Variants in ARHGEF3 observed in about 807,000 individuals in gnomAD.
ARHGEF3 encodes the protein Rho guanine nucleotide exchange factor 3.
Under a neutral mutation model 63.2 loss-of-function variants are expected in ARHGEF3, and 28 were observed. That is an observed-to-expected ratio of 0.44 (90% CI 0.33 to 0.61). The LOEUF (loss-of-function observed/expected upper bound fraction) is 0.61. ARHGEF3 is among the 20% of genes least tolerant of loss of function. The pLI, the probability that ARHGEF3 is intolerant of heterozygous loss-of-function variation, is 0.03. For missense variants in ARHGEF3, 533 were observed against 659.3 expected (o/e 0.81, Z 2.10); for synonymous variants, 266 against 254.2 (o/e 1.05, Z -0.44).
At chr3:56,992,003 ACT>A (rs1451875463) in intron 2 of ARHGEF3, among the ~76,000 whole-genome samples, 1 of 82,736 alleles carries the variant, frequency 1.2e-5, no homozygotes, top group African/African-American at 4.9e-5. Context: ...ACTCACTCTC[ACT>A]CTCTCTCCCC....
intron 4 of ARHGEF3, among the ~76,000 whole-genome samples, chr3:56,822,191 C>A (rs181649547): frequency 6.6e-6 from 1 of 152,134 alleles, no homozygotes; most frequent in East Asian, 1.9e-4. Flanking sequence ...ACGTTATTCT[C>A]CTCTGAACAA....
intron 8 of ARHGEF3, among the ~76,000 whole-genome samples, chr3:56,734,886 G>T (rs1035702339): frequency 2.6e-5 from 4 of 152,168 alleles, no homozygotes; most frequent in Non-Finnish European, 5.9e-5. Context: ...TCTTTTGGGG[G>T]CTGTTTTAAT....
In ARHGEF3 at chr3:56,979,016, C is replaced by T. The variant is rs903802990; in HGVS notation, c.63-20127G>A. Among the ~76,000 whole-genome samples the T allele has an allele frequency of 2.0e-5, 3 of 152,114 alleles. No homozygotes were observed. In the East Asian group the frequency reaches 5.8e-4, roughly 29 times the overall value. Reference sequence around the variant, plus strand: ...ACAAAAAATAAAAAAATTAGCCGGCCATAGTGGCATGCACCTGTAGTCCCA... The same window carrying T: ...ACAAAAAATAAAAAAATTAGCCGGCTATAGTGGCATGCACCTGTAGTCCCA... On this transcript the variant is annotated intron_variant, in intron 2 of 12. Transcript: ENST00000338458.
intron 4 of ARHGEF3, chr3:56,882,226 A>C: frequency 6.8e-7 from 1 of 1,467,298 alleles, no homozygotes; most frequent in South Asian, 1.2e-5. Context: ...GCATATTATT[A>C]ACAAATAACC....
At chr3:56,765,820 A>G (rs1323142335) in intron 2 of ARHGEF3, among the ~76,000 whole-genome samples, 1 of 152,156 alleles carries the variant, frequency 6.6e-6, no homozygotes, top group Non-Finnish European at 1.5e-5. Context: ...TTTGGTTGCA[A>G]AGGTAATACA....
chr3:57,066,562 C>A (rs1289120930), intron 1 of ARHGEF3, among the ~76,000 whole-genome samples: 2 of 152,240 alleles, frequency 1.3e-5, no homozygotes, highest in African/African-American at 4.8e-5. Flanking sequence ...CGCGCCCAGG[C>A]TTTTGCCTTT....
chr3:57,021,842 A>G (rs9311637), intron 2 of ARHGEF3, among the ~76,000 whole-genome samples: 4,725 of 152,254 alleles, frequency 0.031, 286 homozygotes, highest in African/African-American at 0.11. Flanking sequence ...AGGGAAAACA[A>G]AATTGTATTA....
chr3:56,950,012 C>G (rs894364318), intron 3 of ARHGEF3, among the ~76,000 whole-genome samples: 4 of 152,006 alleles, frequency 2.6e-5, no homozygotes, highest in East Asian at 1.9e-4. Context: ...ACAAACCTGA[C>G]AAAAACAAGA....
At chr3:57,054,243 G>A (rs1473433893) in intron 1 of ARHGEF3, among the ~76,000 whole-genome samples, 1 of 152,094 alleles carries the variant, frequency 6.6e-6, no homozygotes, top group African/African-American at 2.4e-5. Context: ...TTTCTCTGGT[G>A]ACTCCTGAGG....
In ARHGEF3 at chr3:56,873,122, C is replaced by G. The variant is rs549970872; in HGVS notation, c.192+9170G>C. 3.9e-5 allele frequency among the ~76,000 whole-genome samples: 6 copies of G among 152,186 alleles called. No homozygotes were observed. The East Asian group carries it at 1.2e-3, about 29-fold the overall frequency. ...CAGGTGATCCTCCCACCTCAGCCTC[C>G]CAAGTAGCTAGGACTACAGGTGCAT... On this transcript the variant is annotated intron_variant, in intron 4 of 12. Transcript: ENST00000338458.
intron 1 of ARHGEF3, among the ~76,000 whole-genome samples, chr3:57,072,443 T>TAAA (rs35145725): frequency 6.9e-6 from 1 of 144,766 alleles, no homozygotes. Flanking sequence ...AATAAAGAAT[T>TAAA]AAAAAAAAAA....
intron 3 of ARHGEF3, among the ~76,000 whole-genome samples, chr3:56,932,423 C>G (rs539521652): frequency 6.6e-6 from 1 of 152,148 alleles, no homozygotes; most frequent in East Asian, 1.9e-4. Context: ...AATTTTGTTT[C>G]CTGCTTCTTA....
intron 2 of ARHGEF3, among the ~76,000 whole-genome samples, chr3:56,975,392 TGGGCAACA>T (rs973479280): frequency 4.6e-5 from 7 of 152,000 alleles, no homozygotes; most frequent in Non-Finnish European, 7.4e-5. Flanking sequence ...CACTCCAGCC[TGGGCAACA>T]GAGCAAGACT....
chr3:56,950,442 GA>G (rs201263140), intron 3 of ARHGEF3, among the ~76,000 whole-genome samples: 17,604 of 151,846 alleles, frequency 0.12, 1,316 homozygotes, highest in East Asian at 0.25. Context: ...AAGAAAAAAA[GA>G]AACAACCCCA....
chr3:56,889,726 C>T (rs1408564531), intron 3 of ARHGEF3, among the ~76,000 whole-genome samples: 1 of 152,144 alleles, frequency 6.6e-6, no homozygotes, highest in Non-Finnish European at 1.5e-5. Context: ...ATCTGCGTTT[C>T]CTTTAAATTA....
chr3:56,977,871 C>T (rs1701182949), intron 2 of ARHGEF3, among the ~76,000 whole-genome samples: 1 of 152,138 alleles, frequency 6.6e-6, no homozygotes, highest in Admixed American at 6.5e-5. Flanking sequence ...ACACAAAGTA[C>T]ATAGAGAGTA....
upstream of ARHGEF3, among the ~76,000 whole-genome samples, chr3:56,805,821 G>A (rs986131907): frequency 6.6e-6 from 1 of 152,150 alleles, no homozygotes; most frequent in Non-Finnish European, 1.5e-5. Flanking sequence ...CTATAAAAAA[G>A]CATAAGCTAC....
chr3:56,966,475 T>C (rs1700499649), intron 2 of ARHGEF3, among the ~76,000 whole-genome samples: 1 of 152,178 alleles, frequency 6.6e-6, no homozygotes, highest in Admixed American at 6.5e-5. Flanking sequence ...ATAATGAACA[T>C]AATGCAGATT....
At chr3:57,070,825 A>G (rs9837868) in intron 1 of ARHGEF3, among the ~76,000 whole-genome samples, 42,152 of 151,684 alleles carry the variant, frequency 0.28, 6,836 homozygotes, top group East Asian at 0.48. Context: ...ATTAAAAATT[A>G]GCTGGGTATG....
Sources: allele counts gnomAD v4.1 joint callset (sites outside exome capture counted in the v4.1 genomes callset), GRCh38; gene constraint gnomAD v4.1.1; transcripts MANE v1.5; gene names NCBI Gene and HGNC (gene_info 2026-07-23, HGNC 2026-07-21).